Variants in PDE4B observed in about 807,000 individuals in gnomAD.
PDE4B encodes the protein 3',5'-cyclic-AMP phosphodiesterase 4B.
In PDE4B, 20 loss-of-function variants were observed where a neutral mutation model predicts 82.2. The observed-to-expected ratio is 0.24, with a 90% CI of 0.17 to 0.35. The LOEUF is 0.35. Ranked by LOEUF, PDE4B falls within the 10% of genes least tolerant of loss-of-function variation. The pLI is 1.00. For missense variants in PDE4B, 655 were observed against 907.2 expected (o/e 0.72, Z 3.57); for synonymous variants, 320 against 318.9 (o/e 1.00, Z -0.04).
chr1:65,925,856 G>A (rs2100500331), intron 3 of PDE4B, among the ~76,000 whole-genome samples: 1 of 152,292 alleles, frequency 6.6e-6, no homozygotes, highest in Admixed American at 6.5e-5. Flanking sequence ...TCATCTAGCT[G>A]AAACATGATC....
chr1:66,004,494 A>G (rs567098051), intron 3 of PDE4B, among the ~76,000 whole-genome samples: 67 of 152,130 alleles, frequency 4.4e-4, no homozygotes, highest in Non-Finnish European at 9.0e-4. Flanking sequence ...CTCATTCATC[A>G]CAGAGACCAT....
At chr1:66,269,061 A>G (rs1655272621) in intron 7 of PDE4B, among the ~76,000 whole-genome samples, 1 of 152,258 alleles carries the variant, frequency 6.6e-6, no homozygotes, top group Non-Finnish European at 1.5e-5. Context: ...CTTTATGTGA[A>G]GTAAAATACA....
chr1:66,217,193 T>G (rs556942895), intron 3 of PDE4B, among the ~76,000 whole-genome samples: 8 of 152,202 alleles, frequency 5.3e-5, no homozygotes, highest in Admixed American at 5.2e-4. Context: ...CTGAGGCTAT[T>G]ATACTTAGTC....
At chr1:66,003,915 G>T (rs1652007406) in intron 3 of PDE4B, among the ~76,000 whole-genome samples, 1 of 152,134 alleles carries the variant, frequency 6.6e-6, no homozygotes, top group South Asian at 2.1e-4. Context: ...GCTCAGCCAG[G>T]TGTGAGTTCA....
chr1:65,861,702 T>G (rs964475947), intron 1 of PDE4B, among the ~76,000 whole-genome samples: 7 of 152,326 alleles, frequency 4.6e-5, no homozygotes, highest in African/African-American at 1.7e-4. Flanking sequence ...TTTCCATTTG[T>G]TTGTGTCCTC....
intron 3 of PDE4B, among the ~76,000 whole-genome samples, chr1:66,015,533 C>T (rs1015566704): frequency 3.3e-5 from 5 of 151,760 alleles, no homozygotes; most frequent in Admixed American, 2.6e-4. Flanking sequence ...TGAGCTGAGA[C>T]CTGACTGGCT....
intron 8 of PDE4B, among the ~76,000 whole-genome samples, chr1:66,352,636 A>T (rs938968672): frequency 3.9e-5 from 6 of 152,200 alleles, no homozygotes; most frequent in Non-Finnish European, 7.3e-5. Context: ...TGTTGTGGTT[A>T]AACAACATGC....
chr1:66,307,659 T>C (rs1658376636), intron 7 of PDE4B, among the ~76,000 whole-genome samples: 1 of 152,124 alleles, frequency 6.6e-6, no homozygotes, highest in African/African-American at 2.4e-5. Flanking sequence ...GAGGGTAAAG[T>C]AGTGCATTTG....
At chr1:66,015,840 T>G (rs2455020) in intron 3 of PDE4B, among the ~76,000 whole-genome samples, 15,853 of 152,222 alleles carry the variant, frequency 0.1, 954 homozygotes, top group Admixed American at 0.18. Context: ...TTGGCAGGTG[T>G]GTAAAGCATT....
chr1:66,122,268 C>G (rs930812960), intron 3 of PDE4B, among the ~76,000 whole-genome samples: 1 of 152,094 alleles, frequency 6.6e-6, no homozygotes, highest in Non-Finnish European at 1.5e-5. Context: ...AGACCATGTG[C>G]CAGGGACATG....
chr1:65,994,589 A>G (rs1049933899), intron 3 of PDE4B, among the ~76,000 whole-genome samples: 13 of 152,222 alleles, frequency 8.5e-5, no homozygotes, highest in African/African-American at 3.1e-4. Context: ...CACCCCTAAC[A>G]TGTATGTATT....
At chr1:66,014,030 G>A (rs1207307435) in intron 3 of PDE4B, among the ~76,000 whole-genome samples, 1 of 151,982 alleles carries the variant, frequency 6.6e-6, no homozygotes, top group South Asian at 2.1e-4. Context: ...GCTTTGATTT[G>A]TATTTTCCTA....
intron 3 of PDE4B, among the ~76,000 whole-genome samples, chr1:66,107,657 A>G (rs994438961): frequency 6.6e-6 from 1 of 152,036 alleles, no homozygotes; most frequent in African/African-American, 2.4e-5. Flanking sequence ...AAGGCAAAAC[A>G]CCAAATTATT....
chr1:66,167,441 G>C (rs1185721048), intron 3 of PDE4B, among the ~76,000 whole-genome samples: 1 of 152,150 alleles, frequency 6.6e-6, no homozygotes, highest in African/African-American at 2.4e-5. Flanking sequence ...CATGCAATGT[G>C]TGATTCAATT....
chr1:66,269,338 G>A (rs1655291479), intron 7 of PDE4B, among the ~76,000 whole-genome samples: 1 of 152,158 alleles, frequency 6.6e-6, no homozygotes, highest in South Asian at 2.1e-4. Flanking sequence ...AAAGAACAAC[G>A]AGGAAGCCAT....
intron 3 of PDE4B, among the ~76,000 whole-genome samples, chr1:66,245,378 C>T (rs956405473): frequency 2.4e-4 from 36 of 152,198 alleles, no homozygotes; most frequent in African/African-American, 7.7e-4. Context: ...GTGTAATCCC[C>T]TCTTCACTTT....
At chr1:65,993,582 T>A (rs919696018) in intron 3 of PDE4B, among the ~76,000 whole-genome samples, 1 of 152,172 alleles carries the variant, frequency 6.6e-6, no homozygotes, top group African/African-American at 2.4e-5. Context: ...ATGTATAAAG[T>A]CTAACTTAAT....
chr1:66,201,008 G>C (rs889930226), intron 3 of PDE4B, among the ~76,000 whole-genome samples: 1 of 152,104 alleles, frequency 6.6e-6, no homozygotes, highest in South Asian at 2.1e-4. Flanking sequence ...TTATTATTTT[G>C]AGATACATCC....
chr1:66,163,611 TA>T (rs1278393356), intron 3 of PDE4B, among the ~76,000 whole-genome samples: 1 of 152,192 alleles, frequency 6.6e-6, no homozygotes, highest in Non-Finnish European at 1.5e-5. Flanking sequence ...TTTTAGTCCA[TA>T]AGATATTGTC....
Sources: gnomAD v4.1 joint callset for allele counts (sites outside exome capture counted in the v4.1 genomes callset) on GRCh38, gnomAD v4.1.1 for gene constraint, MANE v1.5 for transcripts, NCBI Gene and HGNC (gene_info 2026-07-23, HGNC 2026-07-21) for gene names.